The following MLIP variants were observed in gnomAD, a reference collection of about 807,000 sequenced individuals.
MLIP encodes muscular LMNA-interacting protein.
In MLIP, 79 loss-of-function variants were observed where a neutral mutation model predicts 84.8. The observed-to-expected ratio is 0.93, with a 90% CI of 0.78 to 1.12. The LOEUF (loss-of-function observed/expected upper bound fraction) is 1.12, where lower values mean the gene tolerates loss of function less well. Ranked by LOEUF, MLIP falls within the 50% of genes most tolerant of loss-of-function variation. The probability of loss-of-function intolerance (pLI) is 0.00; values close to 1 mark genes in which losing one functional copy is unlikely to be tolerated. For synonymous variants in MLIP, 504 were observed against 463.0 expected, an observed-to-expected ratio of 1.09 and a Z score of -1.14; for missense variants, 1,257 against 1,160.6, an observed-to-expected ratio of 1.08 and a Z score of -1.21.
intron 1 of MLIP, among the ~76,000 whole-genome samples, chr6:54,116,280 G>A (rs1416013890): frequency 6.6e-6 from 1 of 152,172 alleles, no homozygotes; most frequent in African/African-American, 2.4e-5. Flanking sequence ...ACTCTGACAA[G>A]AAGGGACTGA....
rs747826236 is a variant in MLIP, at chr6:54,083,568, C to A, written c.64-37879C>A. 3.3e-6 allele frequency: 5 copies of A among 1,535,948 alleles called. No individual in the cohort carries two copies. In the Admixed American group the frequency reaches 7.8e-5, roughly 24 times the overall value. On this transcript the variant is annotated intron_variant, in intron 1 of 12. Coordinates refer to the MLIP transcript ENST00000274897. Reference sequence around the variant, plus strand: ...TTTCTTGACATCTGCTAGTTTGACACGTGGCACCGGATTCCATGTGCAGCT... The same window carrying A: ...TTTCTTGACATCTGCTAGTTTGACAAGTGGCACCGGATTCCATGTGCAGCT...
chr6:54,263,043 A>G (rs1320189311), intron 13 of MLIP, among the ~76,000 whole-genome samples: 1 of 151,988 alleles, frequency 6.6e-6, no homozygotes, highest in Non-Finnish European at 1.5e-5. Context: ...AAGTCATCTC[A>G]ACAGATTAAA....
rs143680371 is a variant in MLIP at position 54,155,487 on chromosome 6, T to C, written c.2290-4880T>C. On this transcript the variant is annotated intron_variant, in intron 5 of 13. Transcript: ENST00000502396. ...AATTTTTGAAATTCAATCAAATAGA[T>C]AGTCTAAGTATAACAAAAAGTTTAC... Among the ~76,000 whole-genome samples, 294 of 152,274 alleles carry C rather than the reference T, an allele frequency of 1.9e-3. 2 individuals carry two copies. Among genetic ancestry groups the C allele is most frequent in the African/African-American group, 6.7e-3 (280 of 41,584 alleles).
chr6:54,152,797 CTGTT>C (rs1455826701), intron 5 of MLIP, among the ~76,000 whole-genome samples: 4 of 152,048 alleles, frequency 2.6e-5, no homozygotes, highest in Admixed American at 2.6e-4. Context: ...AAAAGTTAAA[CTGTT>C]TGACACATAT....
chr6:54,262,375 T>C (rs1007301625), intron 13 of MLIP, among the ~76,000 whole-genome samples: 1 of 152,036 alleles, frequency 6.6e-6, no homozygotes, highest in Non-Finnish European at 1.5e-5. Context: ...ATAGACTCCA[T>C]TTTATACATA....
chr6:54,097,201 T>A (rs1469381375), intron 1 of MLIP, among the ~76,000 whole-genome samples: 2 of 152,220 alleles, frequency 1.3e-5, no homozygotes, highest in Non-Finnish European at 2.9e-5. Flanking sequence ...TTTGTTCTTG[T>A]TTGAGATCTC....
chr6:54,098,292 C>T (rs761757423), intron 1 of MLIP, among the ~76,000 whole-genome samples: 3 of 149,480 alleles, frequency 2.0e-5, no homozygotes, highest in Non-Finnish European at 4.4e-5. Flanking sequence ...ATAGCTAGGA[C>T]TACATGTGCA....
intron 8 of MLIP, among the ~76,000 whole-genome samples, chr6:54,166,228 C>T (rs539768327): frequency 6.6e-6 from 1 of 151,924 alleles, no homozygotes; most frequent in South Asian, 2.1e-4. Flanking sequence ...AATTTTATAA[C>T]CAATATCTTT....
rs187890273 is a variant in MLIP at position 54,135,458 on chromosome 6, T to G, written c.646-1257T>G. Among the ~76,000 whole-genome samples the G allele has an allele frequency of 2.3e-3, 354 of 152,236 alleles. 3 individuals carry two copies. The highest frequency in any genetic ancestry group is 2.4e-3 in the Non-Finnish European group (160 of 67,954). ...TTTGAATTTGCCAGTTTTAAATATT[T>G]TTAGAGATTAAAACTATATGACATG... On this transcript the variant is annotated intron_variant, in intron 3 of 13. Transcript: ENST00000502396.
chr6:54,260,384 T>C (rs763372126), intron 13 of MLIP, among the ~76,000 whole-genome samples: 2 of 152,044 alleles, frequency 1.3e-5, no homozygotes, highest in Non-Finnish European at 2.9e-5. Context: ...ATAAATATAC[T>C]TCCTTGTCAT....
At chr6:54,214,190 CT>C (rs2150751476) in intron 11 of MLIP, among the ~76,000 whole-genome samples, 1 of 152,286 alleles carries the variant, frequency 6.6e-6, no homozygotes, top group South Asian at 2.1e-4. Context: ...TTGAAAATCT[CT>C]TTTGAGATGT....
intron 10 of MLIP, among the ~76,000 whole-genome samples, chr6:54,193,481 G>A (rs1021338549): frequency 6.6e-6 from 1 of 152,108 alleles, no homozygotes; most frequent in Non-Finnish European, 1.5e-5. Flanking sequence ...AGATTATCTA[G>A]GATCACCAGC....
chr6:54,167,742 G>GA (rs977215458), intron 8 of MLIP, among the ~76,000 whole-genome samples: 20 of 151,794 alleles, frequency 1.3e-4, no homozygotes, highest in Non-Finnish European at 2.4e-4. Context: ...GCACTAGCCA[G>GA]AAAAAACTAC....
At position 54,198,651 on chromosome 6, in the gene MLIP, C is replaced by A. The variant is rs189265639; in HGVS notation, c.2590-3454C>A. On this transcript the variant is annotated intron_variant, in intron 10 of 13. Transcript: ENST00000502396. ...ACATAGTCATGTATTAGAATTACAA[C>A]CCTTCAACAGAAGGTCTACACAGGT... Among the ~76,000 whole-genome samples, 20 of 152,256 alleles carry A rather than the reference C, an allele frequency of 1.3e-4. No homozygotes were observed. The East Asian group carries it at 3.3e-3, about 25-fold the overall frequency.
chr6:54,128,872 G>A (rs1561959294), intron 3 of MLIP, among the ~76,000 whole-genome samples: 1 of 152,104 alleles, frequency 6.6e-6, no homozygotes, highest in Non-Finnish European at 1.5e-5. Context: ...CTGGCCAGTG[G>A]TAGGCTCTCA....
At chr6:54,064,996 G>T (rs1450666435) in intron 1 of MLIP, among the ~76,000 whole-genome samples, 1 of 99,284 alleles carries the variant, frequency 1.0e-5, no homozygotes, top group African/African-American at 2.6e-5. Flanking sequence ...TGATCTGAAG[G>T]CAGAATTTTA....
chr6:54,025,007 T>A (rs1763716520), intron 1 of MLIP, among the ~76,000 whole-genome samples: 1 of 35,172 alleles, frequency 2.8e-5, no homozygotes, highest in South Asian at 5.0e-4. Context: ...CCAGCTAATT[T>A]TTTTTTTTTT....
intron 12 of MLIP, among the ~76,000 whole-genome samples, chr6:54,239,237 C>A (rs978403053): frequency 1.3e-5 from 2 of 151,498 alleles, no homozygotes; most frequent in African/African-American, 2.4e-5. Context: ...ACTCGCAGAC[C>A]CCAGGCTGTT....
rs368508685 is a variant in MLIP, at chr6:54,213,734, A to AAAAAAC, written c.2718+11503_2718+11504insAAACAA. ...AAAAAAAAAAAAAAAAAAAAAAAAA[A>AAAAAAC]AACAACAAACAGCATATCTTGTATG... On this transcript the variant is annotated intron_variant, in intron 11 of 13. Transcript: ENST00000502396. 1.0e-3 allele frequency among the ~76,000 whole-genome samples: 83 copies of AAAAAAC among 82,356 alleles called. 13 individuals carry two copies. The highest frequency in any genetic ancestry group is 1.3e-3 in the African/African-American group (28 of 22,294). 54.0% of individuals were successfully genotyped at this position (82,356 alleles called of 152,430 possible).
Sources: gnomAD v4.1 joint callset for allele counts (sites outside exome capture counted in the v4.1 genomes callset) on GRCh38, gnomAD v4.1.1 for gene constraint, MANE v1.5 for transcripts, NCBI Gene and HGNC (gene_info 2026-07-23, HGNC 2026-07-21) for gene names.